The following IMMP2L variants were observed in gnomAD, a reference collection of about 807,000 sequenced individuals.
IMMP2L encodes the protein inner mitochondrial membrane peptidase subunit 2.
Under a neutral mutation model 19.3 loss-of-function variants are expected in IMMP2L, and 18 were observed. The observed-to-expected ratio is 0.93, with a 90% CI of 0.64 to 1.38. The LOEUF (loss-of-function observed/expected upper bound fraction) is 1.38. Among genes scored for constraint, IMMP2L ranks in the 40% most tolerant of loss-of-function variants. IMMP2L has a pLI of 0.00. For missense variants in IMMP2L, 233 were observed against 218.2 expected (o/e 1.07, Z -0.43); for synonymous variants, 76 against 73.0 (o/e 1.04, Z -0.21).
At chr7:111,341,779 G>A (rs1458787052) in intron 3 of IMMP2L, among the ~76,000 whole-genome samples, 2 of 152,146 alleles carry the variant, frequency 1.3e-5, no homozygotes. Flanking sequence ...CAATGCAACA[G>A]GGTTGAAAGG....
In IMMP2L at chr7:111,016,730, A is replaced by G. The variant is rs1378773269; in HGVS notation, c.240-53165T>C. On this transcript the variant is annotated intron_variant, in intron 3 of 5. Coordinates refer to ENST00000405709, the MANE Select transcript of IMMP2L (RefSeq NM_032549.4). ...TAATTTTATATATATTTATATATAA[A>G]ATATATATATTATATATATTATATA... Among the ~76,000 whole-genome samples, 6 of 98,032 alleles carry G rather than the reference A, an allele frequency of 6.1e-5. No individual in the cohort carries two copies. The South Asian group carries it at 1.7e-3, about 29-fold the overall frequency. The allele number at this position is 98,032 out of a possible 152,430, so 64.3% of individuals were successfully genotyped here.
At chr7:111,150,755 C>G (rs1182605235) in intron 3 of IMMP2L, among the ~76,000 whole-genome samples, 2 of 152,106 alleles carry the variant, frequency 1.3e-5, no homozygotes, top group Admixed American at 1.3e-4. Context: ...AAAATGCAAG[C>G]CTTATTGGCT....
intron 3 of IMMP2L, among the ~76,000 whole-genome samples, chr7:110,999,494 GTATTCTC>G (rs1823413129): frequency 6.7e-6 from 1 of 149,022 alleles, no homozygotes; most frequent in African/African-American, 2.5e-5. Flanking sequence ...AATCATATTT[GTATTCTC>G]TAGTAGTACT....
intron 5 of IMMP2L, among the ~76,000 whole-genome samples, chr7:110,724,879 G>A (rs896750453): frequency 3.9e-5 from 6 of 152,046 alleles, no homozygotes; most frequent in Non-Finnish European, 8.8e-5. Context: ...TGTGAGTGGC[G>A]TATCAAGAAT....
At chr7:110,718,992 C>A (rs938555562) in intron 5 of IMMP2L, among the ~76,000 whole-genome samples, 1 of 152,296 alleles carries the variant, frequency 6.6e-6, no homozygotes, top group Admixed American at 6.5e-5. Context: ...TCTAGACATG[C>A]ATGTAACCCC....
At chr7:111,046,521 T>C (rs996595) in intron 3 of IMMP2L, among the ~76,000 whole-genome samples, 142,042 of 152,184 alleles carry the variant, frequency 0.93, 66,555 homozygotes, top group East Asian at 0.99. Context: ...AATCCACCTG[T>C]AGAAACATGA....
At chr7:111,414,216 C>G (rs2131544971) in intron 3 of IMMP2L, among the ~76,000 whole-genome samples, 1 of 151,864 alleles carries the variant, frequency 6.6e-6, no homozygotes, top group Non-Finnish European at 1.5e-5. Flanking sequence ...CAGGAAGATT[C>G]CGAGTGAATT....
chr7:110,835,697 T>G (rs564592836), intron 5 of IMMP2L, among the ~76,000 whole-genome samples: 1 of 152,250 alleles, frequency 6.6e-6, no homozygotes, highest in South Asian at 2.1e-4. Context: ...GTGAATTCAC[T>G]TGGTAGAAAT....
chr7:110,707,002 T>TTC (rs1554399136), intron 5 of IMMP2L, among the ~76,000 whole-genome samples: 2 of 26,924 alleles, frequency 7.4e-5, no homozygotes, highest in African/African-American at 3.7e-4. Flanking sequence ...TTTTTTTTTT[T>TTC]AATTTTTTTT....
chr7:111,278,380 A>G (rs1364650793), intron 3 of IMMP2L, among the ~76,000 whole-genome samples: 1 of 152,202 alleles, frequency 6.6e-6, no homozygotes, highest in African/African-American at 2.4e-5. Context: ...TGGGGGCTCC[A>G]GCCACTCTCA....
intron 5 of IMMP2L, among the ~76,000 whole-genome samples, chr7:110,695,574 G>A (rs774963589): frequency 1.3e-5 from 2 of 152,162 alleles, no homozygotes; most frequent in East Asian, 1.9e-4. Flanking sequence ...TAGTCTCAAA[G>A]GTTAAAAAAA....
intron 3 of IMMP2L, among the ~76,000 whole-genome samples, chr7:111,266,217 TA>T (rs745359602): frequency 3.9e-4 from 60 of 152,188 alleles, no homozygotes; most frequent in Admixed American, 3.3e-4. Context: ...TGAATGAATA[TA>T]AAAATGACTG....
intron 3 of IMMP2L, among the ~76,000 whole-genome samples, chr7:111,356,408 AGGTGACT>A (rs1431164045): frequency 6.6e-6 from 1 of 152,128 alleles, no homozygotes; most frequent in African/African-American, 2.4e-5. Context: ...TGTAATCTAG[AGGTGACT>A]TTAAGTATAA....
intron 3 of IMMP2L, among the ~76,000 whole-genome samples, chr7:111,474,357 T>A (rs528022313): frequency 6.6e-6 from 1 of 152,162 alleles, no homozygotes; most frequent in East Asian, 1.9e-4. Context: ...AAGTCCACAA[T>A]ATGATAAAGT....
At chr7:110,718,803 T>C (rs1208084035) in intron 5 of IMMP2L, among the ~76,000 whole-genome samples, 3 of 152,146 alleles carry the variant, frequency 2.0e-5, no homozygotes, top group Non-Finnish European at 4.4e-5. Context: ...AGATAGAGGT[T>C]GGCTCAGGTG....
chr7:111,538,997 G>A lies in IMMP2L; in HGVS notation c.-2-17548C>T, dbSNP rs1320145840. 4.6e-5 allele frequency among the ~76,000 whole-genome samples: 7 copies of A among 151,310 alleles called. 1 individual carries two copies. In the East Asian group the frequency reaches 1.4e-3, roughly 29 times the overall value. On this transcript the variant is annotated intron_variant, in intron 1 of 5. Coordinates refer to ENST00000405709, the MANE Select transcript of IMMP2L (RefSeq NM_032549.4). Reference sequence around the variant, plus strand: ...TAGCCAGGTGTGGTGGCGCATGCCTGTAGTCCCAGCTACTCGGGAGGCTAA... The same window carrying A: ...TAGCCAGGTGTGGTGGCGCATGCCTATAGTCCCAGCTACTCGGGAGGCTAA...
intron 3 of IMMP2L, among the ~76,000 whole-genome samples, chr7:111,277,216 G>A (rs1819168978): frequency 6.6e-6 from 1 of 151,722 alleles, no homozygotes; most frequent in Non-Finnish European, 1.5e-5. Flanking sequence ...TTTGACAAAG[G>A]GCTAATATCC....
rs1429258714 is a variant in IMMP2L, at chr7:111,299,908, G to A, written c.239+187330C>T. Among the ~76,000 whole-genome samples, 4 of 139,814 alleles carry A rather than the reference G, an allele frequency of 2.9e-5. No homozygotes were observed. The Admixed American group carries it at 3.0e-4, about 10-fold the overall frequency. 91.7% of individuals were successfully genotyped at this position (139,814 alleles called of 152,430 possible). A position where few individuals can be genotyped will look rare whatever the true frequency, so the allele number is the denominator to read the frequency against. On this transcript the variant is annotated intron_variant, in intron 3 of 5. Coordinates refer to ENST00000405709, the MANE Select transcript of IMMP2L (RefSeq NM_032549.4). ...AATGAACAAGGGCTGCATCCTTGCT[G>A]ACGAAATTGCAGTAACTACAAGTAA...
chr7:110,799,719 G>A (rs1241520492), intron 5 of IMMP2L, among the ~76,000 whole-genome samples: 1 of 151,942 alleles, frequency 6.6e-6, no homozygotes, highest in South Asian at 2.1e-4. Context: ...AAATAAAGAC[G>A]GAAAATGTTC....
Sources: allele counts gnomAD v4.1 joint callset (sites outside exome capture counted in the v4.1 genomes callset), GRCh38; gene constraint gnomAD v4.1.1; transcripts MANE v1.5; gene names NCBI Gene and HGNC (gene_info 2026-07-23, HGNC 2026-07-21).